The following MARCHF5 variants were observed in gnomAD, a reference collection of about 807,000 sequenced individuals.
MARCHF5 encodes E3 ubiquitin-protein ligase MARCHF5.
A neutral mutation model predicts 36.5 loss-of-function variants in MARCHF5; 5 were observed. The observed-to-expected ratio is 0.14, with a 90% CI of 0.07 to 0.29. The LOEUF (loss-of-function observed/expected upper bound fraction) is 0.29, where lower values mean the gene tolerates loss of function less well. Ranked by LOEUF, MARCHF5 falls within the 10% of genes least tolerant of loss-of-function variation. MARCHF5 has a pLI of 1.00. For synonymous variants in MARCHF5, 103 were observed against 109.9 expected (o/e 0.94, Z 0.39); for missense variants, 179 against 336.3 (o/e 0.53, Z 3.66).
At chr10:92,311,508 C>T (rs2135186612) in intron 2 of MARCHF5, among the ~76,000 whole-genome samples, 171 bp downstream of exon 2, 1 of 152,136 alleles carries the variant, frequency 6.6e-6, no homozygotes. Flanking sequence ...TAACAGTTTA[C>T]AGTATCCTTA....
At chr10:92,320,287 C>G (rs911568864) in intron 2 of MARCHF5, among the ~76,000 whole-genome samples, 1 of 151,854 alleles carries the variant, frequency 6.6e-6, no homozygotes, top group African/African-American at 2.4e-5. Context: ...TCTCTTCTGA[C>G]TTACAGGGGC....
At chr10:92,294,653 A>G (rs949787791) in intron 1 of MARCHF5, among the ~76,000 whole-genome samples, 1 of 152,158 alleles carries the variant, frequency 6.6e-6, no homozygotes, top group African/African-American at 2.4e-5. Flanking sequence ...ATAACTGTTC[A>G]TTTGTTTATT....
In MARCHF5 at chr10:92,291,756, G is replaced by A. The variant is rs982448665; in HGVS notation, c.35+227G>A. 6 of 220,714 alleles carry A rather than the reference G, an allele frequency of 2.7e-5. No homozygotes were observed. In the Admixed American group the frequency reaches 3.3e-4, roughly 12 times the overall value. 13.7% of individuals were successfully genotyped at this position (220,714 alleles called of 1,614,324 possible). ...AAACTTAGCTAAGGAGTGGCGTCTGGTTTCCTTGGAACCCCGTTTTGACCT... is the reference window on the plus strand; with the variant it reads ...AAACTTAGCTAAGGAGTGGCGTCTGATTTCCTTGGAACCCCGTTTTGACCT... On this transcript the variant is annotated intron_variant, in intron 1 of 5. Coordinates refer to ENST00000358935, the MANE Select transcript of MARCHF5 (RefSeq NM_017824.5).
intron 2 of MARCHF5, among the ~76,000 whole-genome samples, chr10:92,315,554 A>G (rs1399807792): frequency 1.3e-5 from 2 of 152,340 alleles, no homozygotes; most frequent in East Asian, 3.8e-4. Context: ...TCCCTATTTA[A>G]TAATGTATCA....
rs1205028402 is a variant in MARCHF5, at chr10:92,291,281, G to GCTC, written c.-204_-202dup. On this transcript the variant is annotated 5_prime_UTR_variant, in exon 1 of 6. Coordinates refer to ENST00000358935, the MANE Select transcript of MARCHF5 (RefSeq NM_017824.5). ...CGCGATCGCCGCCTCCCCGCCTCAG[G>GCTC]CTCCTCCTCCTCGCTCTCCGCCGCC... 12 of 553,800 alleles carry GCTC rather than the reference G, an allele frequency of 2.2e-5. No individual in the cohort carries two copies. In the Admixed American group the frequency reaches 2.2e-4, roughly 10 times the overall value. The allele number at this position is 553,800 out of a possible 1,614,324, so 34.3% of individuals were successfully genotyped here.
At chr10:92,339,611 A>C (rs2135213348) in intron 2 of MARCHF5, among the ~76,000 whole-genome samples, 1 of 152,318 alleles carries the variant, frequency 6.6e-6, no homozygotes, top group Non-Finnish European at 1.5e-5. Flanking sequence ...CGGAGGTTGC[A>C]GTGAGCCATG....
chr10:92,304,537 C>T (rs755229329), intron 1 of MARCHF5, among the ~76,000 whole-genome samples: 19 of 152,050 alleles, frequency 1.2e-4, no homozygotes, highest in Admixed American at 8.5e-4. Flanking sequence ...GTAATATGAA[C>T]TTTAACACAT....
chr10:92,314,802 A>G (rs1843190174), intron 2 of MARCHF5, among the ~76,000 whole-genome samples: 1 of 138,456 alleles, frequency 7.2e-6, no homozygotes, highest in Admixed American at 8.0e-5. Context: ...GCTTGTCTCA[A>G]ACTCCTGGGC....
At chr10:92,305,394 G>A (rs1843063776) in intron 1 of MARCHF5, among the ~76,000 whole-genome samples, 1 of 149,912 alleles carries the variant, frequency 6.7e-6, no homozygotes, top group Non-Finnish European at 1.5e-5. Flanking sequence ...ACAACAGAGC[G>A]AGACTCCGTC....
chr10:92,302,931 A>G (rs1334159021), intron 1 of MARCHF5, among the ~76,000 whole-genome samples: 2 of 152,174 alleles, frequency 1.3e-5, no homozygotes, highest in East Asian at 3.8e-4. Flanking sequence ...CTTGCTTTCT[A>G]TATTCTCACT....
At chr10:92,315,282 T>A (rs1426452835) in intron 2 of MARCHF5, among the ~76,000 whole-genome samples, 1 of 152,264 alleles carries the variant, frequency 6.6e-6, no homozygotes, top group Non-Finnish European at 1.5e-5. Context: ...GTGATAATAA[T>A]TGTTCTTCCT....
chr10:92,300,136 G>GAT (rs1842995390), intron 1 of MARCHF5, among the ~76,000 whole-genome samples: 1 of 150,938 alleles, frequency 6.6e-6, no homozygotes, highest in East Asian at 1.9e-4. Flanking sequence ...ACTCCAGCCT[G>GAT]GGTATAACAA....
At chr10:92,337,960 G>T (rs1843524857) in intron 2 of MARCHF5, among the ~76,000 whole-genome samples, 1 of 151,352 alleles carries the variant, frequency 6.6e-6, no homozygotes, top group Non-Finnish European at 1.5e-5. Context: ...GATTGCTTGA[G>T]CCTAGGAGTT....
chr10:92,326,507 G>T (rs1275373425), intron 2 of MARCHF5, among the ~76,000 whole-genome samples: 1 of 152,108 alleles, frequency 6.6e-6, no homozygotes, highest in Non-Finnish European at 1.5e-5. Context: ...GTAGTTTCTA[G>T]TACCATAAGA....
At chr10:92,332,790 A>G (rs1260207605) in intron 2 of MARCHF5, among the ~76,000 whole-genome samples, 1 of 151,416 alleles carries the variant, frequency 6.6e-6, no homozygotes, top group Non-Finnish European at 1.5e-5. Context: ...AAGTTCTGGG[A>G]TTACAGGTGT....
In MARCHF5 at chr10:92,347,515, TAGATAGATGATAGATATATA is replaced by T. The variant is rs1412076726; in HGVS notation, c.370-1833_370-1814del. On this transcript the variant is annotated intron_variant, in intron 3 of 5. Transcript: ENST00000358935. ...ATAGATAGATAGATAGATAGATAGA[TAGATAGATGATAGATATATA>T]GATAGATAGATAGATAGATAGATAA... Among the ~76,000 whole-genome samples the T allele has an allele frequency of 2.6e-3, 199 of 75,474 alleles. 2 individuals are homozygous for T. The highest frequency in any genetic ancestry group is 8.5e-3 in the African/African-American group (180 of 21,092). The allele number at this position is 75,474 out of a possible 152,430, so 49.5% of individuals were successfully genotyped here.
chr10:92,310,565 C>G (rs1000424135), intron 1 of MARCHF5, among the ~76,000 whole-genome samples: 1 of 151,772 alleles, frequency 6.6e-6, no homozygotes, highest in Non-Finnish European at 1.5e-5. Flanking sequence ...AAAAAAAAAT[C>G]TTGATATATT....
At chr10:92,342,348 G>GTGT (rs1189588056) in intron 3 of MARCHF5, among the ~76,000 whole-genome samples, 1 of 151,286 alleles carries the variant, frequency 6.6e-6, no homozygotes, top group Non-Finnish European at 1.5e-5. Context: ...GGGTCTTGCT[G>GTGT]TGTTGTACAG....
At chr10:92,306,730 A>G (rs1460392925) in intron 1 of MARCHF5, among the ~76,000 whole-genome samples, 1 of 152,060 alleles carries the variant, frequency 6.6e-6, no homozygotes, top group African/African-American at 2.4e-5. Context: ...GGTCAGTCGG[A>G]TGGGCAGGCG....
Sources: gnomAD v4.1 joint callset for allele counts (sites outside exome capture counted in the v4.1 genomes callset) on GRCh38, gnomAD v4.1.1 for gene constraint, MANE v1.5 for transcripts, NCBI Gene and HGNC (gene_info 2026-07-23, HGNC 2026-07-21) for gene names.